Variants in PCDHAC1 observed in about 807,000 individuals in gnomAD.
The protein encoded by PCDHAC1 is protocadherin alpha-C1.
PCDHAC1 carries 42 observed loss-of-function variants against 60.0 expected under a neutral mutation model. The observed-to-expected ratio is 0.70, with a 90% CI of 0.55 to 0.90. PCDHAC1 has a LOEUF of 0.90. Ranked by LOEUF, PCDHAC1 falls within the 40% of genes least tolerant of loss-of-function variation. The pLI, the probability that PCDHAC1 is intolerant of heterozygous loss-of-function variation, is 0.00. For synonymous variants in PCDHAC1, 468 were observed against 499.3 expected, an observed-to-expected ratio of 0.94 and a Z score of 0.84; for missense variants, 1,160 against 1,222.3, an observed-to-expected ratio of 0.95 and a Z score of 0.76.
intron 1 of PCDHAC1, among the ~76,000 whole-genome samples, chr5:140,949,776 A>G (rs1554219139): frequency 6.6e-6 from 1 of 151,716 alleles, no homozygotes; most frequent in Non-Finnish European, 1.5e-5. Flanking sequence ...AATATTTGAT[A>G]TGTTTAGATT....
intron 1 of PCDHAC1, chr5:140,969,008 G>A (rs782541476): frequency 6.2e-7 from 1 of 1,614,194 alleles, no homozygotes; most frequent in Non-Finnish European, 8.5e-7. Context: ...CTTCTGTGGA[G>A]TAAGGGAAAG....
intron 1 of PCDHAC1, among the ~76,000 whole-genome samples, chr5:140,961,237 G>A (rs1170465013): frequency 1.3e-5 from 2 of 152,136 alleles, no homozygotes; most frequent in African/African-American, 4.8e-5. Context: ...AAAAGGTGAT[G>A]GAATTTATCC....
intron 3 of PCDHAC1, among the ~76,000 whole-genome samples, chr5:140,992,437 T>G (rs1554252912): frequency 6.6e-6 from 1 of 151,938 alleles, no homozygotes; most frequent in African/African-American, 2.4e-5. Context: ...GTTCCAAGAG[T>G]TGGGAGCAGG....
chr5:140,948,158 A>C lies in PCDHAC1; in HGVS notation c.2433+18833A>C, dbSNP rs191151506. On this transcript the variant is annotated intron_variant, in intron 1 of 3. Transcript: ENST00000253807. The stretch of plus-strand genomic sequence containing the variant: ...TAATTGATTTTTGAATGTTGGAAAA[A>C]ACCTTCCATTCCTAGGGTAAATCCC... Among the ~76,000 whole-genome samples the C allele has an allele frequency of 2.8e-3, 418 of 151,676 alleles. 1 individual carries two copies. The highest frequency in any genetic ancestry group is 0.014 in the Middle Eastern group (4 of 294).
chr5:140,979,391 T>C (rs1298274291), intron 2 of PCDHAC1, among the ~76,000 whole-genome samples: 1 of 152,202 alleles, frequency 6.6e-6, no homozygotes, highest in Non-Finnish European at 1.5e-5. Context: ...AATGTATACA[T>C]ACATGTTGTC....
rs1029317869 is a variant in PCDHAC1 at position 140,928,735 on chromosome 5, A to G, written c.1843A>G (p.Ile615Val). ...DSSLFRISANIGELRTARLVL... is the reference protein window; with the variant it reads ...DSSLFRISANVGELRTARLVL... ...TAGTCTCTTTAGAATTTCAGCCAAT[A>G]TAGGTGAGCTCCGTACTGCTCGCTT... Residue 615 changes from isoleucine (I) to valine (V), a missense_variant, in exon 1 of 4, where the codon ATA becomes GTA. Coordinates refer to ENST00000253807, the MANE Select transcript of PCDHAC1 (RefSeq NM_018898.5). 35 of 1,614,082 alleles carry G rather than the reference A, an allele frequency of 2.2e-5. No individual in the cohort carries two copies. The highest frequency in any genetic ancestry group is 2.9e-5 in the Non-Finnish European group (34 of 1,180,020).
rs183412283 is a variant in PCDHAC1 at position 140,968,329 on chromosome 5, T to C, written c.2434-10620T>C. On this transcript the variant is annotated intron_variant, in intron 1 of 3. Transcript: ENST00000253807. ...TTCAAGGGCTGCCAGTCACCTCCTA[T>C]GTCTCCATTAACAGTGCCAGTGGCA... is the stretch of plus-strand genomic sequence containing the variant. 7.7e-5 allele frequency: 125 copies of C among 1,614,150 alleles called. 1 individual carries two copies. In the East Asian group the frequency reaches 2.7e-3, roughly 34 times the overall value.
intron 3 of PCDHAC1, among the ~76,000 whole-genome samples, chr5:141,002,328 C>T (rs1421788305): frequency 3.3e-5 from 5 of 152,250 alleles, no homozygotes; most frequent in Admixed American, 6.5e-5. Flanking sequence ...GGCCGGGCTG[C>T]ATCCGCACCC....
chr5:140,967,009 T>G, intron 1 of PCDHAC1: 1 of 1,606,176 alleles, frequency 6.2e-7, no homozygotes, highest in Non-Finnish European at 8.5e-7. Flanking sequence ...GCATCAACCA[T>G]CTGGGTGCGC....
chr5:140,937,653 C>G (rs930742748), intron 1 of PCDHAC1, among the ~76,000 whole-genome samples: 1 of 151,298 alleles, frequency 6.6e-6, no homozygotes, highest in Non-Finnish European at 1.5e-5. Context: ...TGGCTCACGC[C>G]TGTAATCCCA....
At chr5:140,998,968 T>A (rs2097841777) in intron 3 of PCDHAC1, among the ~76,000 whole-genome samples, 1 of 152,238 alleles carries the variant, frequency 6.6e-6, no homozygotes, top group Non-Finnish European at 1.5e-5. Context: ...TCAAATAGTA[T>A]CCTAGAAAAT....
intron 1 of PCDHAC1, among the ~76,000 whole-genome samples, chr5:140,978,500 G>T (rs1480843119): frequency 2.0e-5 from 3 of 152,228 alleles, no homozygotes; most frequent in Non-Finnish European, 2.9e-5. Context: ...GCAGCAGATT[G>T]CAGTCCTCTG....
intron 3 of PCDHAC1, among the ~76,000 whole-genome samples, chr5:141,006,729 T>A (rs1554260883): frequency 2.0e-5 from 3 of 151,948 alleles, no homozygotes; most frequent in Non-Finnish European, 4.4e-5. Flanking sequence ...AAATGACAGG[T>A]CTTGATGATG....
At chr5:140,941,167 A>G (rs1352007891) in intron 1 of PCDHAC1, among the ~76,000 whole-genome samples, 2 of 144,982 alleles carry the variant, frequency 1.4e-5, no homozygotes, top group Non-Finnish European at 3.1e-5. Flanking sequence ...AAGACTCCCC[A>G]TCTTGAACAT....
At chr5:140,973,089 T>G (rs534319830) in intron 1 of PCDHAC1, among the ~76,000 whole-genome samples, 2 of 152,308 alleles carry the variant, frequency 1.3e-5, no homozygotes, top group East Asian at 3.9e-4. Flanking sequence ...TGGCACAACA[T>G]GTAGAAATTA....
chr5:141,001,792 T>C (rs1442216091), intron 3 of PCDHAC1, among the ~76,000 whole-genome samples: 3 of 152,192 alleles, frequency 2.0e-5, no homozygotes, highest in African/African-American at 7.2e-5. Context: ...AGCCTGAGTA[T>C]ATACTATCAT....
At chr5:140,939,089 A>C (rs1048123737) in intron 1 of PCDHAC1, among the ~76,000 whole-genome samples, 11 of 152,204 alleles carry the variant, frequency 7.2e-5, no homozygotes, top group Non-Finnish European at 1.2e-4. Context: ...TGGGTGGCTT[A>C]AAAACAATAG....
chr5:140,964,952 T>C (rs868971882), intron 1 of PCDHAC1, among the ~76,000 whole-genome samples: 1 of 152,190 alleles, frequency 6.6e-6, no homozygotes, highest in South Asian at 2.1e-4. Flanking sequence ...TGAGTGTGCT[T>C]GGTTGGTGGA....
At chr5:140,968,116 A>C in intron 1 of PCDHAC1, 1 of 1,614,174 alleles carries the variant, frequency 6.2e-7, no homozygotes, top group South Asian at 1.1e-5. Context: ...CGCAGCTCAC[A>C]TCCCTGCGTA....
Sources: gnomAD v4.1 joint callset for allele counts (sites outside exome capture counted in the v4.1 genomes callset) on GRCh38, gnomAD v4.1.1 for gene constraint, MANE v1.5 for transcripts, NCBI Gene and HGNC (gene_info 2026-07-23, HGNC 2026-07-21) for gene names.